ORC5: variants seen among roughly 807,000 people sequenced by gnomAD.
The protein encoded by ORC5 is protein phosphatase 1, regulatory subunit 117.
Under a neutral mutation model 58.8 loss-of-function variants are expected in ORC5, and 39 were observed. The ratio of observed to expected loss-of-function variants is 0.66; its 90% CI spans 0.51 to 0.87. The LOEUF (loss-of-function observed/expected upper bound fraction) is 0.87. Ranked by LOEUF, ORC5 falls within the 40% of genes least tolerant of loss-of-function variation. ORC5 has a pLI of 0.00. For synonymous variants in ORC5, 218 were observed against 177.6 expected, an observed-to-expected ratio of 1.23 and a Z score of -1.81; for missense variants, 493 against 506.3, an observed-to-expected ratio of 0.97 and a Z score of 0.25.
At chr7:104,152,684 A>C (rs1057302592) in intron 12 of ORC5, among the ~76,000 whole-genome samples, 1 of 152,204 alleles carries the variant, frequency 6.6e-6, no homozygotes, top group South Asian at 2.1e-4. Flanking sequence ...AAAATCTGCC[A>C]AGTTAAATAA....
chr7:104,134,586 A>G (rs146254808), intron 13 of ORC5, among the ~76,000 whole-genome samples: 1 of 152,154 alleles, frequency 6.6e-6, no homozygotes, highest in Non-Finnish European at 1.5e-5. Flanking sequence ...CCACATTTTT[A>G]TAAGAAGTTG....
In ORC5 at chr7:104,166,845, G is replaced by C. The variant is rs1340230310; in HGVS notation, c.917C>G (p.Ser306Cys). The C allele has an allele frequency of 6.2e-7, 1 of 1,612,002 alleles. No individual in the cohort carries two copies. Among genetic ancestry groups the C allele is most frequent in the East Asian group, 2.2e-5 (1 of 44,794 alleles). ...AHTHVELPYY[S>C]KFILIAAYLA... is the part of the protein sequence containing the mutation. ...GTATGCAGCAATTAGAATGAACTTA[G>C]AGTAATATGGAAGTTCCACATGAGT... Residue 306 changes from serine (S) to cysteine (C), a missense_variant, in exon 10 of 14, where the codon TCT (serine) becomes TGT (cysteine). By Grantham distance (112) the Ser-to-Cys change is moderately radical (BLOSUM62 -1). Around this residue, in one of 3 missense-constraint regions of ORC5, gnomAD observed 412 missense variants for 403.7 expected, o/e 1.02. Coordinates refer to ENST00000297431, the MANE Select transcript of ORC5 (RefSeq NM_002553.4).
intron 12 of ORC5, among the ~76,000 whole-genome samples, chr7:104,140,513 T>G (rs1798655356): frequency 6.6e-6 from 1 of 152,192 alleles, no homozygotes. Flanking sequence ...GTTTTTCCAG[T>G]TTTTTGTTTT....
intron 13 of ORC5, among the ~76,000 whole-genome samples, chr7:104,131,446 CATT>C (rs1228433508): frequency 3.3e-5 from 5 of 152,288 alleles, no homozygotes; most frequent in Middle Eastern, 3.4e-3. Flanking sequence ...CATTTTGTAT[CATT>C]AACTCTCCTT....
rs760046294 is a variant in ORC5, at chr7:104,184,057, C to G, written c.734-24G>C. 18 of 1,599,124 alleles carry G rather than the reference C, an allele frequency of 1.1e-5. No individual in the cohort carries two copies. The South Asian group carries it at 1.7e-4, about 15-fold the overall frequency. On this transcript the variant is annotated intron_variant, in intron 7 of 13. Transcript: ENST00000297431. ...TGCTACCCCAAAGGGAAGAAAATTT[C>G]AGTAATTTATATCTTGTAAAAACCT... is the stretch of plus-strand genomic sequence containing the variant.
intron 13 of ORC5, among the ~76,000 whole-genome samples, chr7:104,134,710 G>C (rs1339922762): frequency 6.6e-6 from 1 of 152,088 alleles, no homozygotes; most frequent in African/African-American, 2.4e-5. Flanking sequence ...TAAGTCCAGG[G>C]GAAGCAGCAT....
intron 12 of ORC5, among the ~76,000 whole-genome samples, chr7:104,159,100 G>T (rs1354853014): frequency 2.0e-5 from 3 of 150,992 alleles, no homozygotes; most frequent in Non-Finnish European, 4.4e-5. Flanking sequence ...ATGATAGACT[G>T]GATTAAGAAA....
intron 8 of ORC5, among the ~76,000 whole-genome samples, chr7:104,177,840 T>A (rs191932676): frequency 6.6e-6 from 1 of 152,164 alleles, no homozygotes; most frequent in Admixed American, 6.5e-5. Flanking sequence ...TCTGTTCCTA[T>A]GTTAGTTTGC....
In ORC5 at chr7:104,200,844, T is replaced by C; in HGVS notation, c.280A>G (p.Ile94Val). The C allele has an allele frequency of 6.2e-7, 1 of 1,612,756 alleles. No individual in the cohort carries two copies. ...SSSEDGCSTE[I>V]TCETFNDFVR... ...AAGTCATTAAATGTTTCACAGGTTA[T>C]TTCAGTAGAACATCCATCCTCTGAA... The change falls in exon 3 of 14, where the codon ATA becomes GTA. Residue 94 changes from isoleucine to valine, a missense_variant. By Grantham distance (29) the Ile-to-Val change is conservative (BLOSUM62 3). This residue lies in a region of ORC5 where 412 missense variants were observed against 403.7 expected (regional missense o/e 1.02). Coordinates refer to ENST00000297431, the MANE Select transcript of ORC5 (RefSeq NM_002553.4).
chr7:104,200,586 T>C (rs530304070), intron 3 of ORC5, among the ~76,000 whole-genome samples, 172 bp downstream of exon 3: 2 of 152,360 alleles, frequency 1.3e-5, no homozygotes, highest in Admixed American at 6.5e-5. Flanking sequence ...ACCTTTTCTA[T>C]TAAATGAAGC....
At chr7:104,184,371 C>G (rs1799498807) in intron 6 of ORC5, 200 bp from the exon 7 acceptor site, 1 of 559,474 alleles carries the variant, frequency 1.8e-6, no homozygotes, top group Non-Finnish European at 3.1e-6. Flanking sequence ...TTGCTTGAGC[C>G]CAGGAGATCA....
intron 11 of ORC5, among the ~76,000 whole-genome samples, chr7:104,163,739 C>A (rs1208436241): frequency 6.6e-6 from 1 of 152,222 alleles, no homozygotes; most frequent in Non-Finnish European, 1.5e-5. Context: ...GATCCACCCG[C>A]CTCGGCCTCC....
intron 2 of ORC5, among the ~76,000 whole-genome samples, chr7:104,203,269 C>T (rs1799989563): frequency 6.6e-6 from 1 of 152,170 alleles, no homozygotes; most frequent in African/African-American, 2.4e-5. Context: ...GGCTAGCCAC[C>T]TGTTTTTGTA....
intron 8 of ORC5, among the ~76,000 whole-genome samples, chr7:104,177,608 C>T (rs564539843): frequency 2.0e-5 from 3 of 152,174 alleles, no homozygotes; most frequent in Non-Finnish European, 4.4e-5. Flanking sequence ...ACGTGCAGAA[C>T]GTGCAGGTTA....
intron 5 of ORC5, among the ~76,000 whole-genome samples, chr7:104,190,322 T>C (rs1226309730): frequency 6.6e-6 from 1 of 152,106 alleles, no homozygotes. Context: ...GGATAGTACA[T>C]AAACTGCCAA....
At chr7:104,170,570 C>G (rs1289180272) in intron 8 of ORC5, among the ~76,000 whole-genome samples, 1 of 152,106 alleles carries the variant, frequency 6.6e-6, no homozygotes, top group Non-Finnish European at 1.5e-5. Context: ...CCTTGAGAAC[C>G]TCCAGAAGAA....
intron 13 of ORC5, among the ~76,000 whole-genome samples, chr7:104,132,608 A>C (rs1798530033): frequency 6.6e-6 from 1 of 152,176 alleles, no homozygotes. Context: ...TTTTACTGCT[A>C]ATCACTATAG....
chr7:104,180,365 T>A (rs75421641), intron 8 of ORC5, among the ~76,000 whole-genome samples: 6,799 of 152,282 alleles, frequency 0.045, 500 homozygotes, highest in African/African-American at 0.15. Flanking sequence ...ACTAGTTTTT[T>A]ATTTTTTATT....
At chr7:104,197,593 T>C in intron 4 of ORC5, 132 bp downstream of exon 4, 1 of 579,072 alleles carries the variant, frequency 1.7e-6, no homozygotes, top group Non-Finnish European at 3.0e-6. Context: ...TGAGCTTTAC[T>C]GATAAAAGAA....
Sources: gnomAD v4.1 joint callset for allele counts (sites outside exome capture counted in the v4.1 genomes callset) on GRCh38, gnomAD v4.1.1 for gene constraint, gnomAD v4.1.1 regional missense constraint, MANE v1.5 for transcripts, NCBI Gene and HGNC (gene_info 2026-07-23, HGNC 2026-07-21) for gene names.